PCDHGB7: variants seen among roughly 807,000 people sequenced by gnomAD.
The protein encoded by PCDHGB7 is protocadherin gamma subfamily B, 7, also known as protocadherin gamma-B7.
PCDHGB7 carries 37 observed loss-of-function variants against 61.4 expected under a neutral mutation model. The observed-to-expected ratio is 0.60, with a 90% confidence interval of 0.46 to 0.79. PCDHGB7 has a LOEUF of 0.79. Among genes scored for constraint, PCDHGB7 ranks in the 30% least tolerant of loss-of-function variants. The pLI is 0.00. For synonymous variants in PCDHGB7, 464 were observed against 503.5 expected (o/e 0.92, Z 1.05); for missense variants, 1,166 against 1,202.5 (o/e 0.97, Z 0.45).
At position 141,477,744 on chromosome 5, in the gene PCDHGB7, G is replaced by A; in HGVS notation, c.2416-17063G>A. On this transcript the variant is annotated intron_variant, in intron 1 of 3. Coordinates refer to ENST00000398594, the MANE Select transcript of PCDHGB7 (RefSeq NM_018927.4). The surrounding 1 kb of genome is among the most constrained non-coding windows in gnomAD (Gnocchi z 4.9). Reference sequence around the variant, plus strand: ...TTAACAGCTCATATCAGCGATGGGGGCACCCCGGTCCTAGCCACCAACATC... The same window carrying A: ...TTAACAGCTCATATCAGCGATGGGGACACCCCGGTCCTAGCCACCAACATC... 6.2e-7 allele frequency: 1 copy of A among 1,613,778 alleles called. No homozygotes were observed. The highest frequency in any genetic ancestry group is 8.5e-7 in the Non-Finnish European group (1 of 1,180,028).
At chr5:141,454,685 C>A (rs1305853379) in intron 1 of PCDHGB7, among the ~76,000 whole-genome samples, 1 of 151,844 alleles carries the variant, frequency 6.6e-6, no homozygotes, top group Non-Finnish European at 1.5e-5. Context: ...GGATTACAGG[C>A]ATGAGCCACC....
At position 141,432,003 on chromosome 5, in the gene PCDHGB7, T is replaced by A; in HGVS notation, c.2415+11729T>A. On this transcript the variant is annotated intron_variant, in intron 1 of 3. Coordinates refer to ENST00000398594, the MANE Select transcript of PCDHGB7 (RefSeq NM_018927.4). This position sits in a 1 kb window ranked among gnomAD's most constrained non-coding sequence, Gnocchi z 6.0. ...GACATAGTCTTGGATAGGGAACAGG[T>A]TCCTAGCTACAACATCACAGTGACC... The A allele has an allele frequency of 6.2e-7, 1 of 1,614,116 alleles. No individual in the cohort carries two copies.
chr5:141,423,957 T>G, intron 1 of PCDHGB7: 1 of 1,183,084 alleles, frequency 8.5e-7, no homozygotes, highest in Non-Finnish European at 1.1e-6. Context: ...TTTAGTATTA[T>G]TTTTCTATTA....
chr5:141,500,901 G>T (rs984072329), intron 2 of PCDHGB7, among the ~76,000 whole-genome samples: 1 of 144,582 alleles, frequency 6.9e-6, no homozygotes, highest in Non-Finnish European at 1.5e-5. Context: ...AGACAGTCTC[G>T]CTCTGTCTCC....
rs2099404338 is a variant in PCDHGB7, at chr5:141,477,060, C to T, written c.2416-17747C>T. On this transcript the variant is annotated intron_variant, in intron 1 of 3. Coordinates refer to ENST00000398594, the MANE Select transcript of PCDHGB7 (RefSeq NM_018927.4). This position sits in a 1 kb window ranked among gnomAD's most constrained non-coding sequence, Gnocchi z 4.9. Reference sequence around the variant, plus strand: ...AAGGGTCGGCTGGACTTCGAGGACACCAAACTCCATGAGATTTACATCCAG... The same window carrying T: ...AAGGGTCGGCTGGACTTCGAGGACATCAAACTCCATGAGATTTACATCCAG... 3.7e-6 allele frequency: 6 copies of T among 1,614,256 alleles called. No individual in the cohort carries two copies. The highest frequency in any genetic ancestry group is 5.1e-6 in the Non-Finnish European group (6 of 1,180,046).
Position 141,467,771 on chromosome 5 carries a change from A to G in PCDHGB7, c.2416-27036A>G, listed in dbSNP as rs542500016. Among the ~76,000 whole-genome samples, 11 of 151,422 alleles carry G rather than the reference A, an allele frequency of 7.3e-5. No individual in the cohort carries two copies. The South Asian group carries it at 2.3e-3, about 32-fold the overall frequency. On this transcript the variant is annotated intron_variant, in intron 1 of 3. Transcript: ENST00000398594. Reference sequence around the variant, plus strand: ...CCGCCTCACATGCTCAAGTGCCCGCACCTCAGCCTCTCAAGTAGCTGGGAC... The same window carrying G: ...CCGCCTCACATGCTCAAGTGCCCGCGCCTCAGCCTCTCAAGTAGCTGGGAC...
rs1177814811 is a variant in PCDHGB7 at position 141,511,841 on chromosome 5, CTGTTT to C, written c.*675_*679del. The C allele has an allele frequency of 3.2e-5, 5 of 156,826 alleles. No homozygotes were observed. Among genetic ancestry groups the C allele is most frequent in the African/African-American group, 4.8e-5 (2 of 41,458 alleles). The allele number at this position is 156,826 out of a possible 1,614,324, so 9.7% of individuals were successfully genotyped here. ...TCCCAACGCCCTGGGGACCAGTCTT[CTGTTT>C]TGTTTTTCATTGTTTGACGTTTCCA... On this transcript the variant is annotated 3_prime_UTR_variant, in exon 4 of 4. Coordinates refer to ENST00000398594, the MANE Select transcript of PCDHGB7 (RefSeq NM_018927.4).
At chr5:141,498,551 C>T (rs749191535) in intron 2 of PCDHGB7, among the ~76,000 whole-genome samples, 2 of 151,950 alleles carry the variant, frequency 1.3e-5, no homozygotes, top group Non-Finnish European at 2.9e-5. Context: ...GTCAGACACA[C>T]CAGCTTCAAA....
At chr5:141,422,279 C>T (rs1344316011) in intron 1 of PCDHGB7, 1 of 1,557,956 alleles carries the variant, frequency 6.4e-7, no homozygotes, top group Non-Finnish European at 8.6e-7. Context: ...ATAACTATCA[C>T]CTCTTCTATT....
chr5:141,428,338 T>G, intron 1 of PCDHGB7: 7 of 592,492 alleles, frequency 1.2e-5, no homozygotes, highest in East Asian at 3.1e-5. Flanking sequence ...TATGCTCTTC[T>G]TCCTCGCAGT....
At chr5:141,461,617 C>T (rs1297064745) in intron 1 of PCDHGB7, among the ~76,000 whole-genome samples, 1 of 152,090 alleles carries the variant, frequency 6.6e-6, no homozygotes, top group African/African-American at 2.4e-5. Flanking sequence ...AAAGTATTTT[C>T]TAATACACCT....
chr5:141,485,632 G>T lies in PCDHGB7; in HGVS notation c.2416-9175G>T. The T allele has an allele frequency of 6.2e-7, 1 of 1,611,766 alleles. No homozygotes were observed. Among genetic ancestry groups the T allele is most frequent in the Non-Finnish European group, 8.5e-7 (1 of 1,178,342 alleles). The stretch of plus-strand genomic sequence containing the variant: ...CAGCTCCTCCAGGACAGCGTTTCCC[G>T]TTGGAAAAGGCTCAGGATGCAGATG... On this transcript the variant is annotated intron_variant, in intron 1 of 3. Coordinates refer to ENST00000398594, the MANE Select transcript of PCDHGB7 (RefSeq NM_018927.4). This position sits in a 1 kb window ranked among gnomAD's most constrained non-coding sequence, Gnocchi z 5.7.
intron 3 of PCDHGB7, among the ~76,000 whole-genome samples, chr5:141,509,791 C>T (rs2099878284): frequency 6.6e-6 from 1 of 152,164 alleles, no homozygotes; most frequent in Non-Finnish European, 1.5e-5. Flanking sequence ...TCATCATCTC[C>T]TCAGCTTCAT....
At position 141,487,547 on chromosome 5, in the gene PCDHGB7, A is replaced by G. The variant is rs2099649592; in HGVS notation, c.2416-7260A>G. On this transcript the variant is annotated intron_variant, in intron 1 of 3. Coordinates refer to ENST00000398594, the MANE Select transcript of PCDHGB7 (RefSeq NM_018927.4). The surrounding 1 kb of genome is among the most constrained non-coding windows in gnomAD (Gnocchi z 5.0). ...TAGCTTCATGATGGTGAAGTCACCC[A>G]GTGCACCTATGGCAGGGGAGCCTGT... 2 of 1,614,216 alleles carry G rather than the reference A, an allele frequency of 1.2e-6. No individual in the cohort carries two copies. Among genetic ancestry groups the G allele is most frequent in the Non-Finnish European group, 8.5e-7 (1 of 1,180,046 alleles).
intron 1 of PCDHGB7, among the ~76,000 whole-genome samples, chr5:141,445,948 G>A (rs538607380): frequency 6.6e-6 from 1 of 152,236 alleles, no homozygotes; most frequent in South Asian, 2.1e-4. Flanking sequence ...GCTTACTCTG[G>A]CTGCTATATG....
intron 1 of PCDHGB7, among the ~76,000 whole-genome samples, chr5:141,454,649 G>A (rs1202153817): frequency 6.6e-6 from 1 of 151,800 alleles, no homozygotes; most frequent in Non-Finnish European, 1.5e-5. Context: ...CAGGTGATCT[G>A]CCCACCTCGG....
Position 141,485,738 on chromosome 5 carries a change from A to G in PCDHGB7, c.2416-9069A>G, listed in dbSNP as rs1443978038. Reference sequence around the variant, plus strand: ...GGATGTGAAGAAGCGCAGCGACGGCAGCCTGGTCCCAGAGCTGCTCCTGGA... The same window carrying G: ...GGATGTGAAGAAGCGCAGCGACGGCGGCCTGGTCCCAGAGCTGCTCCTGGA... On this transcript the variant is annotated intron_variant, in intron 1 of 3. Transcript: ENST00000398594. This position sits in a 1 kb window ranked among gnomAD's most constrained non-coding sequence, Gnocchi z 5.7. 1 of 1,614,230 alleles carries G rather than the reference A, an allele frequency of 6.2e-7. No individual in the cohort carries two copies.
intron 1 of PCDHGB7, chr5:141,478,025 A>G (rs939969624): frequency 1.9e-6 from 3 of 1,614,146 alleles, no homozygotes; most frequent in Non-Finnish European, 2.5e-6. Flanking sequence ...AGTCCAAGAC[A>G]CAGATTCACC....
At chr5:141,454,131 G>A (rs754465889) in intron 1 of PCDHGB7, among the ~76,000 whole-genome samples, 2 of 152,334 alleles carry the variant, frequency 1.3e-5, no homozygotes, top group South Asian at 2.1e-4. Flanking sequence ...AGCTGACCAT[G>A]GGAATGTTCA....
Sources: gnomAD v4.1 joint callset for allele counts (sites outside exome capture counted in the v4.1 genomes callset) on GRCh38, gnomAD v4.1.1 for gene constraint, Gnocchi (gnomAD v3.1) non-coding constraint, MANE v1.5 for transcripts, NCBI Gene and HGNC (gene_info 2026-07-23, HGNC 2026-07-21) for gene names.